The following EPHA6 variants were observed in gnomAD, a reference collection of about 807,000 sequenced individuals.
The protein encoded by EPHA6 is ephrin type-A receptor 6.
EPHA6 carries 50 observed loss-of-function variants against 112.0 expected under a neutral mutation model. The observed-to-expected ratio is 0.45, with a 90% CI of 0.36 to 0.56. The LOEUF is 0.56. Ranked by LOEUF, EPHA6 falls within the 20% of genes least tolerant of loss-of-function variation. EPHA6 has a pLI of 0.00. For missense variants in EPHA6, 1,280 were observed against 1,417.4 expected, an observed-to-expected ratio of 0.90 and a Z score of 1.56; for synonymous variants, 529 against 490.7, an observed-to-expected ratio of 1.08 and a Z score of -1.03.
intron 6 of EPHA6, among the ~76,000 whole-genome samples, chr3:97,434,491 A>C (rs2089704172): frequency 6.6e-6 from 1 of 152,118 alleles, no homozygotes; most frequent in Admixed American, 6.6e-5. Flanking sequence ...AGAACCAGAT[A>C]ATTGTAGTGT....
intron 2 of EPHA6, among the ~76,000 whole-genome samples, chr3:96,959,736 T>G (rs1365516238): frequency 1.3e-5 from 2 of 151,922 alleles, no homozygotes; most frequent in African/African-American, 4.8e-5. Flanking sequence ...TCTTGTTTTG[T>G]TTTTCAGTAA....
chr3:97,476,535 A>G (rs989058685), intron 8 of EPHA6, among the ~76,000 whole-genome samples: 4 of 152,150 alleles, frequency 2.6e-5, no homozygotes, highest in African/African-American at 9.7e-5. Context: ...CCAACATTTT[A>G]TTAAAATTTA....
chr3:97,260,944 C>T (rs1173688777), intron 5 of EPHA6, among the ~76,000 whole-genome samples: 3 of 152,176 alleles, frequency 2.0e-5, no homozygotes, highest in African/African-American at 4.8e-5. Flanking sequence ...ATTGCCTCAG[C>T]CAGATGCAAA....
intron 3 of EPHA6, among the ~76,000 whole-genome samples, chr3:97,047,439 G>GCAGTGAGC (rs2045547233): frequency 6.8e-6 from 1 of 146,724 alleles, no homozygotes; most frequent in Non-Finnish European, 1.5e-5. Context: ...GGTGGAGCTT[G>GCAGTGAGC]CAGTGAGCAG....
In EPHA6 at chr3:96,981,337, T is replaced by C. The variant is rs140190575; in HGVS notation, c.451-5993T>C. Reference sequence around the variant, plus strand: ...TGGTTTTTGTCTTTGTTTCTGTTTATGTGCTGGATTTCATTTATTGATTTG... The same window carrying C: ...TGGTTTTTGTCTTTGTTTCTGTTTACGTGCTGGATTTCATTTATTGATTTG... On this transcript the variant is annotated intron_variant, in intron 2 of 17. Coordinates refer to ENST00000389672, the MANE Select transcript of EPHA6 (RefSeq NM_001080448.3). Among the ~76,000 whole-genome samples, 583 of 152,338 alleles carry C rather than the reference T, an allele frequency of 3.8e-3. 4 individuals carry two copies. The highest frequency in any genetic ancestry group is 0.013 in the African/African-American group (557 of 41,582).
intron 3 of EPHA6, among the ~76,000 whole-genome samples, chr3:97,065,536 C>A (rs2046151076): frequency 6.6e-6 from 1 of 152,016 alleles, no homozygotes; most frequent in Non-Finnish European, 1.5e-5. Flanking sequence ...CAACTCATTG[C>A]ATATCCATTG....
chr3:96,979,267 T>C (rs1387210293), intron 2 of EPHA6, among the ~76,000 whole-genome samples: 1 of 145,346 alleles, frequency 6.9e-6, no homozygotes, highest in Non-Finnish European at 1.5e-5. Context: ...GTTATCATTG[T>C]TCAATTCCCA....
intron 10 of EPHA6, among the ~76,000 whole-genome samples, chr3:97,507,606 A>T (rs113161532): frequency 9.9e-5 from 15 of 152,076 alleles, no homozygotes; most frequent in African/African-American, 3.6e-4. Context: ...TTCATCAGGG[A>T]TATTGGTCTG....
At chr3:97,132,220 A>G (rs921125918) in intron 3 of EPHA6, among the ~76,000 whole-genome samples, 3 of 152,126 alleles carry the variant, frequency 2.0e-5, no homozygotes, top group Non-Finnish European at 4.4e-5. Flanking sequence ...TTATTAATTC[A>G]TAAAGCAGGT....
rs535577615 is a variant in EPHA6 at position 97,609,434 on chromosome 3, A to G, written c.2513-1359A>G. Among the ~76,000 whole-genome samples the G allele has an allele frequency of 4.6e-5, 7 of 151,522 alleles. No homozygotes were observed. In the South Asian group the frequency reaches 1.2e-3, roughly 27 times the overall value. ...GATCCCTGCCCACAAGAGTGCTGAC[A>G]GTTCAGTTGACCTCAATAATTGACG... On this transcript the variant is annotated intron_variant, in intron 12 of 17. Transcript: ENST00000389672.
chr3:97,344,861 GACAC>G (rs1366820703), intron 5 of EPHA6, among the ~76,000 whole-genome samples: 1 of 152,020 alleles, frequency 6.6e-6, no homozygotes, highest in Non-Finnish European at 1.5e-5. Context: ...TAGAATCTGA[GACAC>G]ACACAGAGAG....
intron 12 of EPHA6, among the ~76,000 whole-genome samples, chr3:97,597,820 C>G (rs1325218568): frequency 6.6e-6 from 1 of 151,984 alleles, no homozygotes. Flanking sequence ...TGTAAGTAAG[C>G]CAGGAATGAT....
intron 6 of EPHA6, among the ~76,000 whole-genome samples, chr3:97,427,164 A>G (rs769241454): frequency 2.6e-5 from 4 of 152,160 alleles, no homozygotes; most frequent in Non-Finnish European, 4.4e-5. Flanking sequence ...AACAACTACC[A>G]TTTGACCCAA....
At chr3:97,079,033 A>G (rs962268399) in intron 3 of EPHA6, among the ~76,000 whole-genome samples, 32 of 152,196 alleles carry the variant, frequency 2.1e-4, no homozygotes, top group Admixed American at 4.6e-4. Context: ...AGGAATATAA[A>G]TCATTCTATT....
At chr3:97,476,519 T>C (rs2091373654) in intron 8 of EPHA6, among the ~76,000 whole-genome samples, 1 of 152,110 alleles carries the variant, frequency 6.6e-6, no homozygotes, top group Non-Finnish European at 1.5e-5. Context: ...AAACTCTGCT[T>C]AGGGACCAAC....
At chr3:97,127,731 AG>A (rs1369988628) in intron 3 of EPHA6, among the ~76,000 whole-genome samples, 1 of 151,680 alleles carries the variant, frequency 6.6e-6, no homozygotes, top group East Asian at 1.9e-4. Flanking sequence ...AAAAAAAAAA[AG>A]AATGAACTTC....
intron 2 of EPHA6, among the ~76,000 whole-genome samples, chr3:96,942,679 T>A (rs2041035789): frequency 6.6e-6 from 1 of 152,214 alleles, no homozygotes; most frequent in Admixed American, 6.5e-5. Flanking sequence ...TAGATGGAAA[T>A]GCAGAAATCA....
rs113195344 is a variant in EPHA6, at chr3:97,426,378, G to C, written c.1731+21104G>C. ...CATTTATGTAACCATCAAATCTCAC[G>C]AGGCTAATTCACTACCACAAGAACA... On this transcript the variant is annotated intron_variant, in intron 6 of 17. Transcript: ENST00000389672. Among the ~76,000 whole-genome samples, 845 of 152,252 alleles carry C rather than the reference G, an allele frequency of 5.6e-3. 11 individuals carry two copies. Among genetic ancestry groups the C allele is most frequent in the African/African-American group, 0.02 (811 of 41,540 alleles).
intron 5 of EPHA6, among the ~76,000 whole-genome samples, chr3:97,318,557 T>C (rs1201649349): frequency 6.6e-6 from 1 of 152,000 alleles, no homozygotes; most frequent in East Asian, 1.9e-4. Context: ...TACCACTCTT[T>C]TGCTAATTTA....
Sources: allele counts gnomAD v4.1 joint callset (sites outside exome capture counted in the v4.1 genomes callset), GRCh38; gene constraint gnomAD v4.1.1; transcripts MANE v1.5; gene names NCBI Gene and HGNC (gene_info 2026-07-23, HGNC 2026-07-21).